The following WWC1 variants were observed in gnomAD, a reference collection of about 807,000 sequenced individuals.
WWC1 encodes WW and C2 domain containing 1, also known as protein KIBRA.
In WWC1, 55 loss-of-function variants were observed where a neutral mutation model predicts 138.4. The observed-to-expected ratio is 0.40, with a 90% CI of 0.32 to 0.50. The LOEUF (loss-of-function observed/expected upper bound fraction) is 0.50, where lower values mean the gene tolerates loss of function less well. Among genes scored for constraint, WWC1 ranks in the 20% least tolerant of loss-of-function variants. The pLI is 0.72. For synonymous variants in WWC1, 524 were observed against 564.9 expected (o/e 0.93, Z 1.03); for missense variants, 1,226 against 1,420.4 (o/e 0.86, Z 2.20).
intron 17 of WWC1, among the ~76,000 whole-genome samples, chr5:168,451,753 C>A (rs1451987945): frequency 6.6e-6 from 1 of 151,972 alleles, no homozygotes; most frequent in Non-Finnish European, 1.5e-5. Flanking sequence ...AAATTAAAAC[C>A]CAACAAGATG....
At chr5:168,457,959 G>A (rs188914349) in intron 19 of WWC1, among the ~76,000 whole-genome samples, 325 of 152,346 alleles carry the variant, frequency 2.1e-3, no homozygotes, top group African/African-American at 7.5e-3. Flanking sequence ...ACCAGGTTGT[G>A]ATTCAAGGCC....
At chr5:168,339,337 G>A (rs1773778840) in intron 1 of WWC1, among the ~76,000 whole-genome samples, 1 of 152,184 alleles carries the variant, frequency 6.6e-6, no homozygotes, top group South Asian at 2.1e-4. Context: ...CTTCCCCCTA[G>A]CTAGTTGCCT....
intron 9 of WWC1, among the ~76,000 whole-genome samples, chr5:168,421,200 G>A (rs1043742787): frequency 6.6e-6 from 1 of 152,186 alleles, no homozygotes; most frequent in African/African-American, 2.4e-5. Context: ...GCAACAGACA[G>A]TAAAGAAGAC....
rs1756232267 is a variant in WWC1 at position 168,455,503 on chromosome 5, A to G, written c.2806A>G (p.Ser936Gly). Reference sequence around the variant, plus strand: ...TAAGACCTTCTCCCCAGGACCCCAGAGCCAGTACGTGTGCCGGGTAAGTGA... The same window carrying G: ...TAAGACCTTCTCCCCAGGACCCCAGGGCCAGTACGTGTGCCGGGTAAGTGA... ...RSKTFSPGPQ[S>G]QYVCRLNRSD... Residue 936 changes from serine to glycine, a missense_variant, in exon 19 of 23, where the codon AGC becomes GGC. By Grantham distance (56) the Ser-to-Gly change is moderately conservative (BLOSUM62 0). This residue lies in a region of WWC1 where 206 missense variants were observed against 247.4 expected (regional missense o/e 0.83). Coordinates refer to ENST00000265293, the MANE Select transcript of WWC1 (RefSeq NM_015238.3). 1.9e-6 allele frequency: 3 copies of G among 1,613,040 alleles called. No individual in the cohort carries two copies. The highest frequency in any genetic ancestry group is 2.5e-6 in the Non-Finnish European group (3 of 1,179,546).
chr5:168,325,323 C>T (rs1448768293), intron 1 of WWC1, among the ~76,000 whole-genome samples: 2 of 152,176 alleles, frequency 1.3e-5, no homozygotes, highest in Non-Finnish European at 2.9e-5. Flanking sequence ...GGGCCATGCT[C>T]GCTGAGATTG....
At chr5:168,424,153 G>T in intron 11 of WWC1, 85 bp downstream of exon 11, 1 of 1,474,468 alleles carries the variant, frequency 6.8e-7, no homozygotes. Context: ...GATCATTCTA[G>T]TCGATATTTA....
At chr5:168,353,651 G>A (rs543360015) in intron 1 of WWC1, among the ~76,000 whole-genome samples, 1 of 152,218 alleles carries the variant, frequency 6.6e-6, no homozygotes, top group Admixed American at 6.5e-5. Context: ...TCCATCACTC[G>A]CTGTGTGCCG....
intron 1 of WWC1, among the ~76,000 whole-genome samples, chr5:168,364,719 T>C: frequency 6.6e-6 from 1 of 152,128 alleles, no homozygotes; most frequent in East Asian, 1.9e-4. Flanking sequence ...TGGGTCACCC[T>C]CCAGCTCAAC....
chr5:168,424,741 A>C (rs776425955), intron 11 of WWC1, among the ~76,000 whole-genome samples: 1 of 152,204 alleles, frequency 6.6e-6, no homozygotes, highest in African/African-American at 2.4e-5. Context: ...GCAAGAGTCC[A>C]GATCCTGAAA....
intron 19 of WWC1, among the ~76,000 whole-genome samples, chr5:168,460,023 G>T (rs1414761487): frequency 6.6e-6 from 1 of 152,182 alleles, no homozygotes; most frequent in South Asian, 2.1e-4. Flanking sequence ...CCTCTGGGGG[G>T]AGTATAGATA....
rs1411699071 is a variant in WWC1 at position 168,410,015 on chromosome 5, G to T, written c.941+20G>T. 3.7e-6 allele frequency: 6 copies of T among 1,613,384 alleles called. No individual in the cohort carries two copies. In the East Asian group the frequency reaches 1.3e-4, roughly 36 times the overall value. ...GAGAAGGTAATTGGGCTGGGGCTAGGGGCGGGATGGTTCCAAAAATAATAA... is the reference window on the plus strand; with the variant it reads ...GAGAAGGTAATTGGGCTGGGGCTAGTGGCGGGATGGTTCCAAAAATAATAA... On this transcript the variant is annotated intron_variant, in intron 8 of 22. Coordinates refer to ENST00000265293, the MANE Select transcript of WWC1 (RefSeq NM_015238.3).
intron 6 of WWC1, among the ~76,000 whole-genome samples, chr5:168,406,621 C>A (rs952514375): frequency 2.0e-5 from 3 of 152,192 alleles, no homozygotes; most frequent in Non-Finnish European, 4.4e-5. Context: ...CTTATTTTTT[C>A]TTTGTTTTTT....
At chr5:168,413,006 TA>T (rs1370106744) in intron 8 of WWC1, among the ~76,000 whole-genome samples, 2 of 152,160 alleles carry the variant, frequency 1.3e-5, no homozygotes, top group Non-Finnish European at 2.9e-5. Flanking sequence ...CAAGCAAATC[TA>T]GGTATGTTTT....
chr5:168,308,127 C>T (rs893700948), intron 1 of WWC1, among the ~76,000 whole-genome samples: 3 of 152,142 alleles, frequency 2.0e-5, no homozygotes, highest in African/African-American at 7.2e-5. Context: ...GGTCTTCAGT[C>T]TGAGCCTTGC....
At chr5:168,407,119 G>A (rs978061538) in intron 6 of WWC1, among the ~76,000 whole-genome samples, 1 of 152,060 alleles carries the variant, frequency 6.6e-6, no homozygotes, top group African/African-American at 2.4e-5. Context: ...GGAATGAAAT[G>A]GAGGGAGGTG....
chr5:168,324,935 T>A (rs1772408276), intron 1 of WWC1, among the ~76,000 whole-genome samples: 1 of 152,196 alleles, frequency 6.6e-6, no homozygotes, highest in African/African-American at 2.4e-5. Flanking sequence ...CAAAAAGACA[T>A]GACCATCCTA....
intron 1 of WWC1, among the ~76,000 whole-genome samples, chr5:168,304,888 C>T (rs1056750380): frequency 1.3e-5 from 2 of 149,358 alleles, no homozygotes; most frequent in African/African-American, 5.0e-5. Context: ...TGCAATGGTG[C>T]GACTTCAGTT....
At chr5:168,401,100 GA>G (rs1241690816) in intron 5 of WWC1, among the ~76,000 whole-genome samples, 9 of 151,678 alleles carry the variant, frequency 5.9e-5, no homozygotes, top group Non-Finnish European at 8.8e-5. Context: ...CGAAAAAAAG[GA>G]AAAAAAGAAA....
At chr5:168,312,312 A>G (rs1771178106) in intron 1 of WWC1, among the ~76,000 whole-genome samples, 1 of 152,158 alleles carries the variant, frequency 6.6e-6, no homozygotes, top group South Asian at 2.1e-4. Context: ...CATCATACCA[A>G]CCTTCTGAGA....
Sources: allele counts gnomAD v4.1 joint callset (sites outside exome capture counted in the v4.1 genomes callset), GRCh38; gene constraint gnomAD v4.1.1; regional missense constraint gnomAD v4.1.1; transcripts MANE v1.5; gene names NCBI Gene and HGNC (gene_info 2026-07-23, HGNC 2026-07-21).